Variants in GDPD5 observed in about 807,000 individuals in gnomAD.
The protein encoded by GDPD5 is glycerophosphodiester phosphodiesterase 2.
GDPD5 carries 48 observed loss-of-function variants against 75.1 expected under a neutral mutation model. The ratio of observed to expected loss-of-function variants is 0.64; its 90% CI spans 0.51 to 0.81. GDPD5 has a LOEUF of 0.81. GDPD5 is among the 40% of genes least tolerant of loss of function. GDPD5 has a pLI of 0.00. For synonymous variants in GDPD5, 336 were observed against 339.0 expected (o/e 0.99, Z 0.10); for missense variants, 706 against 822.6 (o/e 0.86, Z 1.73).
chr11:75,520,434 G>A (rs1034162190), intron 1 of GDPD5, among the ~76,000 whole-genome samples: 4 of 152,186 alleles, frequency 2.6e-5, no homozygotes, highest in African/African-American at 7.2e-5. Context: ...CCCCTGGCCC[G>A]GAGGGTGTGG....
intron 1 of GDPD5, among the ~76,000 whole-genome samples, chr11:75,492,210 G>A (rs1030346563): frequency 1.3e-5 from 2 of 152,192 alleles, no homozygotes; most frequent in Admixed American, 1.3e-4. Flanking sequence ...GGCTGGGTGA[G>A]GCAGAATGGT....
At chr11:75,448,219 T>C (rs560655003) in intron 9 of GDPD5, among the ~76,000 whole-genome samples, 2 of 152,300 alleles carry the variant, frequency 1.3e-5, no homozygotes, top group East Asian at 1.9e-4. Context: ...AAGGCTTTCA[T>C]GGAGCAGGAG....
intron 3 of GDPD5, among the ~76,000 whole-genome samples, chr11:75,470,548 T>C (rs1192847830): frequency 1.3e-5 from 2 of 152,216 alleles, no homozygotes; most frequent in African/African-American, 4.8e-5. Context: ...TCCATCTATA[T>C]ATAGTTCCAT....
In GDPD5 at chr11:75,441,684, C is replaced by A; in HGVS notation, c.1287G>T (p.Leu429=). The change falls in exon 13 of 17, where the codon CTG becomes CTT. Residue 429 remains leucine, a synonymous_variant. Transcript: ENST00000336898. ...ASLRRGHIQR[L]NLRYTQVSRQ... ...GGGACACCTGAGTGTAGCGCAGGTT[C>A]AGCCGCTGGATGTGGCCTCTCCGCA... is the stretch of plus-strand genomic sequence containing the variant. 6.2e-7 allele frequency: 1 copy of A among 1,605,340 alleles called. No individual in the cohort carries two copies. The highest frequency in any genetic ancestry group is 8.5e-7 in the Non-Finnish European group (1 of 1,176,924).
intron 2 of GDPD5, among the ~76,000 whole-genome samples, chr11:75,489,454 G>A (rs1027875578): frequency 3.3e-5 from 5 of 152,180 alleles, no homozygotes; most frequent in Admixed American, 1.3e-4. Flanking sequence ...AATGAAAACC[G>A]AGCTTGCTCG....
chr11:75,462,614 G>A (rs1949438147), intron 4 of GDPD5, among the ~76,000 whole-genome samples, 172 bp downstream of exon 4: 2 of 151,910 alleles, frequency 1.3e-5, no homozygotes, highest in African/African-American at 4.8e-5. Flanking sequence ...CCCTGGAGGT[G>A]AGCAGGACAG....
At chr11:75,466,725 A>G (rs976460075) in intron 3 of GDPD5, among the ~76,000 whole-genome samples, 6 of 152,196 alleles carry the variant, frequency 3.9e-5, no homozygotes, top group African/African-American at 1.2e-4. Flanking sequence ...GGTGACCATC[A>G]ATGTGCATAT....
intron 9 of GDPD5, among the ~76,000 whole-genome samples, chr11:75,446,423 G>A (rs1054734272): frequency 6.6e-6 from 1 of 152,190 alleles, no homozygotes; most frequent in African/African-American, 2.4e-5. Context: ...CCTCAGGCCA[G>A]TCCAAGTGGG....
chr11:75,439,914 G>T lies in GDPD5; in HGVS notation c.1521C>A (p.Ser507=), dbSNP rs1948739046. ...CGAAGATGCCCACGATGAGGGTGAA[G>T]GAGACCAGGTCGGCAGTGACCCACA... The part of the protein sequence containing the change: ...CLMWVTADLV[S]FTLIVGIFVL... Residue 507 remains serine (S), a synonymous_variant, in exon 15 of 17, where the codon TCC becomes TCA. Coordinates refer to ENST00000336898, the MANE Select transcript of GDPD5 (RefSeq NM_030792.8). The T allele has an allele frequency of 6.2e-7, 1 of 1,614,048 alleles. No homozygotes were observed. Among genetic ancestry groups the T allele is most frequent in the Non-Finnish European group, 8.5e-7 (1 of 1,179,968 alleles).
chr11:75,482,534 C>T (rs995835381), intron 2 of GDPD5, among the ~76,000 whole-genome samples: 1 of 152,168 alleles, frequency 6.6e-6, no homozygotes, highest in Admixed American at 6.5e-5. Context: ...CTCGCCATCC[C>T]CACAGCCACT....
At chr11:75,460,576 C>T (rs1949389338) in intron 4 of GDPD5, among the ~76,000 whole-genome samples, 1 of 152,162 alleles carries the variant, frequency 6.6e-6, no homozygotes, top group African/African-American at 2.4e-5. Flanking sequence ...TCCCGAGTAG[C>T]TGGGACCACA....
chr11:75,437,160 C>G, intron 15 of GDPD5, 112 bp from the exon 16 acceptor site: 2 of 729,622 alleles, frequency 2.7e-6, no homozygotes, highest in Non-Finnish European at 4.7e-6. Flanking sequence ...CAGCAGGACT[C>G]TTGTCCCACT....
At chr11:75,454,364 T>A (rs868588986) in intron 6 of GDPD5, among the ~76,000 whole-genome samples, 1 of 152,264 alleles carries the variant, frequency 6.6e-6, no homozygotes, top group Non-Finnish European at 1.5e-5. Flanking sequence ...TGATGCTTTA[T>A]GGGCAAGGGT....
At chr11:75,475,667 G>C (rs970253361) in intron 3 of GDPD5, among the ~76,000 whole-genome samples, 1 of 152,192 alleles carries the variant, frequency 6.6e-6, no homozygotes, top group Admixed American at 6.5e-5. Flanking sequence ...AGGGGCGGGG[G>C]AGCAGAGGAT....
chr11:75,510,467 G>A (rs1334009274), intron 1 of GDPD5, among the ~76,000 whole-genome samples: 2 of 152,186 alleles, frequency 1.3e-5, no homozygotes, highest in African/African-American at 4.8e-5. Flanking sequence ...CTTGGCTGGA[G>A]CTCAGACCCT....
At chr11:75,445,432 T>C (rs1948960963) in intron 9 of GDPD5, among the ~76,000 whole-genome samples, 1 of 152,166 alleles carries the variant, frequency 6.6e-6, no homozygotes, top group Non-Finnish European at 1.5e-5. Flanking sequence ...GTCTTTATGC[T>C]TAGGACAGTT....
chr11:75,463,734 T>C (rs1949462808), intron 3 of GDPD5, among the ~76,000 whole-genome samples: 1 of 152,164 alleles, frequency 6.6e-6, no homozygotes, highest in African/African-American at 2.4e-5. Flanking sequence ...CCCTGCTATG[T>C]TTCTAAACCA....
chr11:75,449,456 C>T, intron 8 of GDPD5, 61 bp downstream of exon 8: 2 of 1,474,522 alleles, frequency 1.4e-6, no homozygotes, highest in East Asian at 4.9e-5. Flanking sequence ...GTCGGGGCAG[C>T]ACCAGCTGGT....
At chr11:75,456,042 C>G (rs917133345) in intron 6 of GDPD5, among the ~76,000 whole-genome samples, 2 of 152,270 alleles carry the variant, frequency 1.3e-5, no homozygotes, top group Admixed American at 1.3e-4. Context: ...GCTGCAGGGG[C>G]TGAGGAAGTC....
Sources: allele counts gnomAD v4.1 joint callset (sites outside exome capture counted in the v4.1 genomes callset), GRCh38; gene constraint gnomAD v4.1.1; transcripts MANE v1.5; gene names NCBI Gene and HGNC (gene_info 2026-07-23, HGNC 2026-07-21).